S100PBP: variants seen among roughly 807,000 people sequenced by gnomAD.
The protein encoded by S100PBP is S100P binding protein, also known as S100P-binding protein.
Under a neutral mutation model 39.9 loss-of-function variants are expected in S100PBP, and 15 were observed. The ratio of observed to expected loss-of-function variants is 0.38; its 90% CI spans 0.25 to 0.58. The LOEUF (loss-of-function observed/expected upper bound fraction) is 0.58. Ranked by LOEUF, S100PBP falls within the 20% of genes least tolerant of loss-of-function variation. The pLI is 0.70. For synonymous variants in S100PBP, 178 were observed against 180.3 expected (o/e 0.99, Z 0.10); for missense variants, 504 against 487.3 (o/e 1.03, Z -0.32).
At chr1:32,836,621 A>G in intron 5 of S100PBP, 2 of 909,730 alleles carry the variant, frequency 2.2e-6, no homozygotes, top group Non-Finnish European at 2.6e-6. Flanking sequence ...CTTTCATTAA[A>G]TTTTTTTTTT....
chr1:32,817,372 C>T (rs1638781311), upstream of S100PBP: 1 of 1,238,162 alleles, frequency 8.1e-7, no homozygotes, highest in Non-Finnish European at 1.2e-6. Context: ...CTCGGCGCTC[C>T]GCTTACTCGG....
intron 5 of S100PBP, among the ~76,000 whole-genome samples, chr1:32,830,911 T>C (rs1190645685): frequency 6.6e-6 from 1 of 152,042 alleles, no homozygotes; most frequent in Non-Finnish European, 1.5e-5. Context: ...CCGGATCATA[T>C]TCTTTTGGGA....
chr1:32,842,509 G>A (rs540538284), intron 5 of S100PBP, among the ~76,000 whole-genome samples: 1 of 151,840 alleles, frequency 6.6e-6, no homozygotes, highest in East Asian at 1.9e-4. Context: ...TTTAGAATTA[G>A]CGTATCAATT....
At chr1:32,852,786 A>AG (rs1640665626) in intron 5 of S100PBP, 1 of 275,226 alleles carries the variant, frequency 3.6e-6, no homozygotes, top group African/African-American at 2.2e-5. Flanking sequence ...AACTTCATTG[A>AG]GGTAGTGTCT....
rs1639317073 is a variant in S100PBP, at chr1:32,826,260, C to T, written c.161C>T (p.Thr54Ile). 1.9e-6 allele frequency: 3 copies of T among 1,614,108 alleles called. No individual in the cohort carries two copies. The highest frequency in any genetic ancestry group is 2.5e-6 in the Non-Finnish European group (3 of 1,180,002). ...GAAGATGATGGTGATGTAAATTACA[C>T]AGAGGAAGAGATTGATGCACTGTTG... ...GEEDDGDVNY[T>I]EEEIDALLKE... The change falls in exon 3 of 7, where the codon ACA (threonine) becomes ATA (isoleucine). Residue 54 changes from threonine (T) to isoleucine (I), a missense_variant. Physicochemically the swap from Thr to Ile is moderately conservative, Grantham distance 89 (BLOSUM62 -1). Coordinates refer to ENST00000373475, the MANE Select transcript of S100PBP (RefSeq NM_022753.4).
intron 1 of S100PBP, chr1:32,820,623 C>T (rs956624793): frequency 1.3e-5 from 2 of 152,166 alleles, no homozygotes; most frequent in South Asian, 2.1e-4. Context: ...TATATGAGGA[C>T]ATTTGATACT....
intron 1 of S100PBP, among the ~76,000 whole-genome samples, chr1:32,820,279 T>A (rs1294038017): frequency 6.6e-6 from 1 of 151,466 alleles, no homozygotes; most frequent in Admixed American, 6.6e-5. Context: ...CCCAAGTAGC[T>A]GGGATTACAG....
intron 1 of S100PBP, among the ~76,000 whole-genome samples, chr1:32,823,474 A>G (rs1191161202): frequency 1.3e-5 from 2 of 152,382 alleles, no homozygotes; most frequent in East Asian, 1.9e-4. Context: ...TAGCAGCTCT[A>G]GGTTTAAATA....
At chr1:32,851,526 C>T (rs1640607421) in intron 5 of S100PBP, among the ~76,000 whole-genome samples, 1 of 151,908 alleles carries the variant, frequency 6.6e-6, no homozygotes, top group African/African-American at 2.4e-5. Flanking sequence ...ATTAGCCAGG[C>T]ATGGTGGCAG....
chr1:32,823,195 A>C (rs1639164789), intron 1 of S100PBP, among the ~76,000 whole-genome samples: 1 of 152,236 alleles, frequency 6.6e-6, no homozygotes, highest in African/African-American at 2.4e-5. Context: ...TTTTGTAAGG[A>C]GTTAGAATGG....
chr1:32,836,286 C>T (rs1455281861), intron 5 of S100PBP: 1 of 152,274 alleles, frequency 6.6e-6, no homozygotes, highest in Non-Finnish European at 1.5e-5. Flanking sequence ...GCGCACTCCA[C>T]CACGTCTGGC....
chr1:32,843,395 C>G (rs1640210113), intron 5 of S100PBP, among the ~76,000 whole-genome samples: 1 of 151,774 alleles, frequency 6.6e-6, no homozygotes, highest in South Asian at 2.1e-4. Flanking sequence ...GGCGTGATCT[C>G]AGCTCACTGC....
chr1:32,844,857 C>T (rs1329999833), intron 5 of S100PBP, among the ~76,000 whole-genome samples: 1 of 151,398 alleles, frequency 6.6e-6, no homozygotes, highest in Non-Finnish European at 1.5e-5. Context: ...GAGATGGACT[C>T]TCGCTCTGTT....
intron 5 of S100PBP, among the ~76,000 whole-genome samples, chr1:32,841,093 G>A (rs1046549406): frequency 2.0e-5 from 3 of 151,362 alleles, no homozygotes; most frequent in Admixed American, 6.6e-5. Flanking sequence ...CCCGGGAGAC[G>A]GAGCTTGCAG....
chr1:32,855,518 CA>C (rs1461814359), intron 6 of S100PBP, among the ~76,000 whole-genome samples: 10 of 152,148 alleles, frequency 6.6e-5, no homozygotes, highest in Admixed American at 6.5e-5. Context: ...TGAGCTGTGT[CA>C]GACAATGAGG....
chr1:32,817,992 G>GACA (rs1638828981), intron 1 of S100PBP: 1 of 152,502 alleles, frequency 6.6e-6, no homozygotes, highest in Non-Finnish European at 1.5e-5. Flanking sequence ...GTGGGGGTGG[G>GACA]GGCCGCCTCT....
intron 5 of S100PBP, chr1:32,842,676 C>T (rs1640173933): frequency 6.6e-6 from 1 of 151,992 alleles, no homozygotes; most frequent in Non-Finnish European, 1.5e-5. Flanking sequence ...CTCACTGCAA[C>T]CTCTGCCTCC....
chr1:32,825,374 C>G lies in S100PBP; in HGVS notation c.-58C>G, dbSNP rs1284454409. 1.3e-5 allele frequency: 2 copies of G among 152,188 alleles called. No individual in the cohort carries two copies. Among genetic ancestry groups the G allele is most frequent in the Non-Finnish European group, 2.9e-5 (2 of 68,034 alleles). The allele number at this position is 152,188 out of a possible 1,614,324, so 9.4% of individuals were successfully genotyped here. A position where few individuals can be genotyped will look rare whatever the true frequency, so the allele number is the denominator to read the frequency against. ...AAGGAACAGCTAGCAGGAACTGAAA[C>G]CTTTTTCCATTTGGTCTCGTGGCAA... is the stretch of plus-strand genomic sequence containing the variant. On this transcript the variant is annotated 5_prime_UTR_variant, in exon 2 of 7. Transcript: ENST00000373475.
intron 5 of S100PBP, among the ~76,000 whole-genome samples, chr1:32,842,250 C>T (rs1219374457): frequency 2.1e-5 from 3 of 141,044 alleles, no homozygotes; most frequent in Non-Finnish European, 4.6e-5. Context: ...CACACACACA[C>T]ACACACACAC....
Sources: gnomAD v4.1 joint callset for allele counts (sites outside exome capture counted in the v4.1 genomes callset) on GRCh38, gnomAD v4.1.1 for gene constraint, MANE v1.5 for transcripts, NCBI Gene and HGNC (gene_info 2026-07-23, HGNC 2026-07-21) for gene names.